Variants in EEA1 observed in about 807,000 individuals in gnomAD.
EEA1 encodes the protein early endosome antigen 1.
EEA1 carries 111 observed loss-of-function variants against 209.2 expected under a neutral mutation model. The ratio of observed to expected loss-of-function variants is 0.53; its 90% CI spans 0.45 to 0.62. The LOEUF is 0.62. Among genes scored for constraint, EEA1 ranks in the 20% least tolerant of loss-of-function variants. The pLI is 0.00. For synonymous variants in EEA1, 536 were observed against 540.6 expected (o/e 0.99, Z 0.12); for missense variants, 1,343 against 1,530.8 (o/e 0.88, Z 2.05).
chr12:92,926,872 C>A (rs1881235346), intron 1 of EEA1, among the ~76,000 whole-genome samples: 1 of 152,142 alleles, frequency 6.6e-6, no homozygotes, highest in African/African-American at 2.4e-5. Context: ...CCTCCTGGGT[C>A]CTCTGTCCTC....
intron 2 of EEA1, among the ~76,000 whole-genome samples, chr12:92,890,282 A>C (rs2136753877): frequency 6.6e-6 from 1 of 152,302 alleles, no homozygotes; most frequent in South Asian, 2.1e-4. Flanking sequence ...AGAGAGGATA[A>C]ATTAAAAATG....
chr12:92,917,943 T>A, intron 1 of EEA1, among the ~76,000 whole-genome samples: 1 of 22,936 alleles, frequency 4.4e-5, no homozygotes, highest in Middle Eastern at 6.0e-3. Flanking sequence ...GGGGTTGCAA[T>A]CCTAGTCTCT....
intron 1 of EEA1, among the ~76,000 whole-genome samples, chr12:92,920,768 A>G (rs1880952586): frequency 1.3e-5 from 2 of 151,300 alleles, no homozygotes; most frequent in African/African-American, 2.4e-5. Context: ...TAAACTCAAG[A>G]GCTTCTGCAC....
At chr12:92,890,447 C>G (rs1024204809) in intron 2 of EEA1, among the ~76,000 whole-genome samples, 41 of 151,880 alleles carry the variant, frequency 2.7e-4, no homozygotes, top group South Asian at 2.1e-4. Context: ...GTTATATATA[C>G]GGTGACTGAG....
In EEA1 at chr12:92,851,215, G is replaced by C. The variant is rs200814761; in HGVS notation, c.694C>G (p.Gln232Glu). 6.2e-7 allele frequency: 1 copy of C among 1,613,748 alleles called. No individual in the cohort carries two copies. Among genetic ancestry groups the C allele is most frequent in the East Asian group, 2.2e-5 (1 of 44,800 alleles). ...DVAVLKKELV[Q>E]VQTLMDNMTL... The stretch of plus-strand genomic sequence containing the variant: ...ATGTTATCCATTAGTGTTTGAACTT[G>C]GACCAGTTCTTTCTTTAGCACGGCA... The change falls in exon 9 of 29, where the codon CAA becomes GAA. Residue 232 changes from glutamine to glutamate, a missense_variant. This residue lies in a region of EEA1 where 1,307 missense variants were observed against 1,465.5 expected (regional missense o/e 0.89). Transcript: ENST00000322349.
intron 10 of EEA1, among the ~76,000 whole-genome samples, chr12:92,839,225 T>C (rs1168854451): frequency 2.0e-5 from 3 of 152,294 alleles, no homozygotes; most frequent in African/African-American, 7.2e-5. Context: ...GAACCAATAT[T>C]TTCCACATGA....
intron 9 of EEA1, among the ~76,000 whole-genome samples, chr12:92,847,158 G>T (rs560551152): frequency 1.3e-5 from 2 of 152,210 alleles, no homozygotes; most frequent in South Asian, 4.1e-4. Flanking sequence ...GTTTCACTGT[G>T]TTGGTCATGC....
Position 92,813,045 on chromosome 12 carries a change from C to T in EEA1, c.1978G>A (p.Ala660Thr). Residue 660 changes from alanine (A) to threonine (T), a missense_variant, in exon 16 of 29, where the codon GCT becomes ACT. Around this residue, in one of 3 missense-constraint regions of EEA1, gnomAD observed 1,307 missense variants for 1,465.5 expected, o/e 0.89. Coordinates refer to ENST00000322349, the MANE Select transcript of EEA1 (RefSeq NM_003566.4). ...TGATTCTGAAGATCAGCTCTTTGAG[C>T]AGTTTTTGCTGCTTCTGCTGATAGT... Reference protein sequence around the residue: ...LLLSAEAAKTAQRADLQNHLD... With the variant: ...LLLSAEAAKTTQRADLQNHLD... 1 of 1,599,490 alleles carries T rather than the reference C, an allele frequency of 6.3e-7. No homozygotes were observed. Among genetic ancestry groups the T allele is most frequent in the Non-Finnish European group, 8.5e-7 (1 of 1,169,866 alleles).
chr12:92,924,761 C>A (rs1362513254), intron 1 of EEA1, among the ~76,000 whole-genome samples: 1 of 138,388 alleles, frequency 7.2e-6, no homozygotes, highest in Admixed American at 7.7e-5. Context: ...TGGTTCTTTT[C>A]ATTTCTTAAC....
intron 1 of EEA1, among the ~76,000 whole-genome samples, chr12:92,898,593 G>A (rs1327107855): frequency 1.3e-5 from 2 of 150,978 alleles, no homozygotes; most frequent in African/African-American, 4.9e-5. Flanking sequence ...GGACCTGGGA[G>A]ACAGAAGTTG....
At chr12:92,840,520 C>T (rs1461688358) in intron 10 of EEA1, among the ~76,000 whole-genome samples, 1 of 152,204 alleles carries the variant, frequency 6.6e-6, no homozygotes, top group East Asian at 1.9e-4. Context: ...CCATGTTGGC[C>T]AGGCTGGTCT....
At chr12:92,916,244 C>A (rs17020814) in intron 1 of EEA1, among the ~76,000 whole-genome samples, 11,259 of 152,118 alleles carry the variant, frequency 0.074, 501 homozygotes, top group African/African-American at 0.12. Flanking sequence ...GAAGAAGCCA[C>A]TTTTCATTTT....
At position 92,775,004 on chromosome 12, in the gene EEA1, G is replaced by A. The variant is rs1873595556; in HGVS notation, c.*1007C>T. 1 of 151,598 alleles carries A rather than the reference G, an allele frequency of 6.6e-6. No homozygotes were observed. The highest frequency in any genetic ancestry group is 2.4e-5 in the African/African-American group (1 of 41,372). 9.4% of individuals were successfully genotyped at this position (151,598 alleles called of 1,614,324 possible). A position where few individuals can be genotyped will look rare whatever the true frequency, so the allele number is the denominator to read the frequency against. On this transcript the variant is annotated 3_prime_UTR_variant, in exon 29 of 29. Transcript: ENST00000322349. ...CAAAATTATAAAACAAATACATGAA[G>A]CTGATCTATGCTTGAAAATGTTAAA...
intron 1 of EEA1, among the ~76,000 whole-genome samples, chr12:92,915,800 G>A (rs1880742732): frequency 6.6e-6 from 1 of 152,142 alleles, no homozygotes; most frequent in Admixed American, 6.5e-5. Context: ...CTCATTCTAT[G>A]ATTGATTTGG....
intron 22 of EEA1, among the ~76,000 whole-genome samples, chr12:92,783,239 T>C (rs879907427): frequency 7.2e-5 from 11 of 152,198 alleles, no homozygotes; most frequent in Non-Finnish European, 1.3e-4. Context: ...TCTGTGGGAT[T>C]TGATACTATC....
At position 92,786,404 on chromosome 12, in the gene EEA1, G is replaced by A. The variant is rs187618476; in HGVS notation, c.3150+1463C>T. ...TTTAACACTACCTAAATCTTGTGTGGTATTTTTTCTTAATAACAACTATTG... is the reference window on the plus strand; with the variant it reads ...TTTAACACTACCTAAATCTTGTGTGATATTTTTTCTTAATAACAACTATTG... On this transcript the variant is annotated intron_variant, in intron 22 of 28. Transcript: ENST00000322349. 2.3e-3 allele frequency among the ~76,000 whole-genome samples: 350 copies of A among 152,142 alleles called. 3 individuals carry two copies. The highest frequency in any genetic ancestry group is 7.8e-3 in the African/African-American group (323 of 41,518).
intron 1 of EEA1, among the ~76,000 whole-genome samples, chr12:92,925,389 A>G (rs1451485304): frequency 6.6e-6 from 1 of 151,898 alleles, no homozygotes. Context: ...TAATTTTTGT[A>G]TTTTTTGGTA....
At chr12:92,858,094 C>A in intron 3 of EEA1, 1 of 495,022 alleles carries the variant, frequency 2.0e-6, no homozygotes. Context: ...AACGGGAGCT[C>A]AACAGCTTCC....
chr12:92,857,585 T>G, intron 3 of EEA1, 100 bp from the exon 4 acceptor site: 2 of 691,934 alleles, frequency 2.9e-6, no homozygotes, highest in Non-Finnish European at 4.5e-6. Context: ...AATATTATAG[T>G]TTTTTCAATT....
Sources: allele counts gnomAD v4.1 joint callset (sites outside exome capture counted in the v4.1 genomes callset), GRCh38; gene constraint gnomAD v4.1.1; regional missense constraint gnomAD v4.1.1; transcripts MANE v1.5; gene names NCBI Gene and HGNC (gene_info 2026-07-23, HGNC 2026-07-21).